The following RPS5 variants were observed in gnomAD, a reference collection of about 807,000 sequenced individuals.
The protein encoded by RPS5 is ribosomal protein S5.
RPS5 carries 2 observed loss-of-function variants against 20.9 expected under a neutral mutation model. The observed-to-expected ratio is 0.10, with a 90% CI of 0.04 to 0.30. The LOEUF (loss-of-function observed/expected upper bound fraction) is 0.30, where lower values mean the gene tolerates loss of function less well. RPS5 is among the 10% of genes least tolerant of loss of function. The pLI, the probability that RPS5 is intolerant of heterozygous loss-of-function variation, is 1.00. For synonymous variants in RPS5, 112 were observed against 105.8 expected (o/e 1.06, Z -0.36); for missense variants, 122 against 287.2 (o/e 0.42, Z 4.16).
At chr19:58,389,160 C>T (rs558365342) in intron 2 of RPS5, among the ~76,000 whole-genome samples, 81 of 152,120 alleles carry the variant, frequency 5.3e-4, no homozygotes, top group Non-Finnish European at 8.1e-4. Context: ...TTTTGTGAGC[C>T]CTTCCTCCAT....
At chr19:58,392,334 A>G (rs535735111) in intron 2 of RPS5, among the ~76,000 whole-genome samples, 4 of 151,028 alleles carry the variant, frequency 2.6e-5, no homozygotes, top group East Asian at 3.9e-4. Context: ...GGGGGGGAAA[A>G]AAAAAACTAG....
Position 58,393,415 on chromosome 19 carries a change from C to G in RPS5, c.375C>G (p.Ser125=). 6.2e-7 allele frequency: 1 copy of G among 1,613,672 alleles called. No individual in the cohort carries two copies. Among genetic ancestry groups the G allele is most frequent in the Non-Finnish European group, 8.5e-7 (1 of 1,180,042 alleles). Reference sequence around the variant, plus strand: ...TCAACAGTGGTCCCCGGGAGGACTCCACACGCATTGGGCGCGCCGGGACTG... The same window carrying G: ...TCAACAGTGGTCCCCGGGAGGACTCGACACGCATTGGGCGCGCCGGGACTG... ...AIINSGPRED[S]TRIGRAGTVR... is the part of the protein sequence containing the mutation. The change falls in exon 4 of 6, where the codon TCC becomes TCG. Residue 125 remains serine, a synonymous_variant. Coordinates refer to ENST00000196551, the MANE Select transcript of RPS5 (RefSeq NM_001009.4).
At chr19:58,392,333 A>AGG (rs1568574273) in intron 2 of RPS5, among the ~76,000 whole-genome samples, 57 of 137,812 alleles carry the variant, frequency 4.1e-4, no homozygotes, top group South Asian at 1.6e-3. Context: ...AGGGGGGGAA[A>AGG]AAAAAAACTA....
chr19:58,391,579 G>C (rs2052364187), intron 2 of RPS5, among the ~76,000 whole-genome samples: 1 of 151,922 alleles, frequency 6.6e-6, no homozygotes, highest in South Asian at 2.1e-4. Flanking sequence ...CTCCAGCCTG[G>C]GTGACAGAGT....
At chr19:58,394,305 C>CTG (rs148707471) in intron 4 of RPS5, 192 bp from the exon 5 acceptor site, 573 of 572,376 alleles carry the variant, frequency 1.0e-3, no homozygotes, top group African/African-American at 7.2e-3. Context: ...CAACTTCAGC[C>CTG]TGTGTGTGTG....
At chr19:58,388,697 C>G in intron 2 of RPS5, 1 of 330,674 alleles carries the variant, frequency 3.0e-6, no homozygotes, top group Admixed American at 5.5e-5. Flanking sequence ...GGCTGGAGTG[C>G]AGTGACGCGA....
intron 2 of RPS5, among the ~76,000 whole-genome samples, chr19:58,391,604 AAAAC>A (rs761232280): frequency 4.6e-5 from 7 of 151,564 alleles, no homozygotes; most frequent in South Asian, 4.2e-4. Context: ...CTCCATCTCA[AAAAC>A]AAACAAACAA....
At chr19:58,388,987 C>T (rs796142919) in intron 2 of RPS5, among the ~76,000 whole-genome samples, 1 of 152,160 alleles carries the variant, frequency 6.6e-6, no homozygotes, top group Non-Finnish European at 1.5e-5. Context: ...ATATGTCTGT[C>T]TCTATGCCAG....
chr19:58,390,611 T>A (rs1222401114), intron 2 of RPS5, among the ~76,000 whole-genome samples: 1 of 152,056 alleles, frequency 6.6e-6, no homozygotes, highest in Non-Finnish European at 1.5e-5. Context: ...AATTTTTGTC[T>A]TTTTAGTAGA....
At chr19:58,393,563 G>A in intron 4 of RPS5, 76 bp downstream of exon 4, 2 of 1,537,152 alleles carry the variant, frequency 1.3e-6, no homozygotes, top group South Asian at 2.3e-5. Context: ...GGGGCAGGAA[G>A]GCTCCTCTCT....
In RPS5 at chr19:58,394,522, C is replaced by G; in HGVS notation, c.473C>G (p.Ala158Gly). The G allele has an allele frequency of 6.2e-7, 1 of 1,614,136 alleles. No individual in the cohort carries two copies. Among genetic ancestry groups the G allele is most frequent in the Non-Finnish European group, 8.5e-7 (1 of 1,180,032 alleles). ...NQAIWLLCTG[A>G]REAAFRNIKT... The stretch of plus-strand genomic sequence containing the variant: ...GCCATCTGGCTGCTGTGCACAGGCG[C>G]TCGTGAGGCTGCCTTCCGGAACATT... Residue 158 changes from alanine (A) to glycine (G), a missense_variant, in exon 5 of 6, where the codon GCT becomes GGT. Physicochemically the swap from Ala to Gly is moderately conservative, Grantham distance 60. Around this residue, in one of 6 missense-constraint regions of RPS5, gnomAD observed 24 missense variants for 36.7 expected, o/e 0.65. Transcript: ENST00000196551.
At chr19:58,392,375 C>G (rs2052369433) in intron 2 of RPS5, among the ~76,000 whole-genome samples, 1 of 151,664 alleles carries the variant, frequency 6.6e-6, no homozygotes, top group Non-Finnish European at 1.5e-5. Context: ...CCTGTAATCC[C>G]AACACTTTGG....
At chr19:58,393,607 T>C in intron 4 of RPS5, 120 bp downstream of exon 4, 1 of 1,309,726 alleles carries the variant, frequency 7.6e-7, no homozygotes, top group Non-Finnish European at 1.0e-6. Flanking sequence ...TCACTTCCTC[T>C]AGGAAGCCTT....
chr19:58,387,677 G>C, intron 1 of RPS5: 1 of 165,684 alleles, frequency 6.0e-6, no homozygotes, highest in South Asian at 1.3e-4. Flanking sequence ...TGTCGGTCAA[G>C]AATCGAAACC....
Position 58,393,730 on chromosome 19 carries a change from A to G in RPS5, c.447+243A>G, listed in dbSNP as rs201164724. On this transcript the variant is annotated intron_variant, in intron 4 of 5. Coordinates refer to ENST00000196551, the MANE Select transcript of RPS5 (RefSeq NM_001009.4). ...GGGTGTATATTTTTACACTGTGTGT[A>G]TATGTACTTTTTTTTTTTTTCTTGG... The G allele has an allele frequency of 2.1e-4, 93 of 442,488 alleles. 1 individual carries two copies. Among genetic ancestry groups the G allele is most frequent in the South Asian group, 7.6e-4 (17 of 22,490 alleles). The allele number at this position is 442,488 out of a possible 1,614,324, so 27.4% of individuals were successfully genotyped here.
At chr19:58,388,415 A>G in intron 2 of RPS5, 170 bp downstream of exon 2, 1 of 602,676 alleles carries the variant, frequency 1.7e-6, no homozygotes, top group East Asian at 2.8e-5. Context: ...GTCCTGTTCA[A>G]AGATGACTAC....
At chr19:58,389,258 T>G (rs2052348318) in intron 2 of RPS5, among the ~76,000 whole-genome samples, 1 of 152,142 alleles carries the variant, frequency 6.6e-6, no homozygotes, top group African/African-American at 2.4e-5. Flanking sequence ...ACTTTCCTCC[T>G]CTTTTTTTTT....
rs766779394 is a variant in RPS5 at position 58,394,755 on chromosome 19, C to T, written c.*5C>T. The T allele has an allele frequency of 3.1e-6, 5 of 1,613,810 alleles. No individual in the cohort carries two copies. Among genetic ancestry groups the T allele is most frequent in the Non-Finnish European group, 3.4e-6 (4 of 1,179,948 alleles). ...GTGGCCAAGTCCAACCGCTGATTTT[C>T]CCAGCTGCTGCCCAATAAACCTGTC... On this transcript the variant is annotated 3_prime_UTR_variant, in exon 6 of 6. Coordinates refer to ENST00000196551, the MANE Select transcript of RPS5 (RefSeq NM_001009.4).
chr19:58,393,457 G>A lies in RPS5; in HGVS notation c.417G>A (p.Val139=), dbSNP rs1217192673. Residue 139 remains valine, a synonymous_variant, in exon 4 of 6, where the codon GTG becomes GTA. Coordinates refer to ENST00000196551, the MANE Select transcript of RPS5 (RefSeq NM_001009.4). ...CCGGGACTGTGAGACGACAGGCTGTGGATGTGTCCCCCCTGCGCCGTGTGA... is the reference window on the plus strand; with the variant it reads ...CCGGGACTGTGAGACGACAGGCTGTAGATGTGTCCCCCCTGCGCCGTGTGA... ...GRAGTVRRQA[V]DVSPLRRVNQ... is the part of the protein sequence containing the mutation. 6.2e-7 allele frequency: 1 copy of A among 1,612,856 alleles called. No individual in the cohort carries two copies. The highest frequency in any genetic ancestry group is 2.2e-5 in the East Asian group (1 of 44,886).
Sources: gnomAD v4.1 joint callset for allele counts (sites outside exome capture counted in the v4.1 genomes callset) on GRCh38, gnomAD v4.1.1 for gene constraint, gnomAD v4.1.1 regional missense constraint, MANE v1.5 for transcripts, NCBI Gene and HGNC (gene_info 2026-07-23, HGNC 2026-07-21) for gene names.